PDZRN4: variants seen among roughly 807,000 people sequenced by gnomAD.
The protein encoded by PDZRN4 is PDZ domain containing ring finger 4.
In PDZRN4, 70 loss-of-function variants were observed where a neutral mutation model predicts 99.0. The ratio of observed to expected loss-of-function variants is 0.71; its 90% CI spans 0.58 to 0.86. PDZRN4 has a LOEUF of 0.86. PDZRN4 is among the 40% of genes least tolerant of loss of function. PDZRN4 has a pLI of 0.00. For synonymous variants in PDZRN4, 551 were observed against 501.6 expected (o/e 1.10, Z -1.32); for missense variants, 1,474 against 1,331.2 (o/e 1.11, Z -1.67).
At chr12:41,373,704 A>G (rs1268357938) in intron 3 of PDZRN4, among the ~76,000 whole-genome samples, 1 of 152,146 alleles carries the variant, frequency 6.6e-6, no homozygotes, top group African/African-American at 2.4e-5. Flanking sequence ...TCCTGAGGTG[A>G]CATACATCCT....
intron 3 of PDZRN4, among the ~76,000 whole-genome samples, chr12:41,261,768 C>T (rs748359880): frequency 5.3e-5 from 8 of 152,188 alleles, no homozygotes; most frequent in Non-Finnish European, 1.0e-4. Flanking sequence ...GGATTACAGG[C>T]GTGAGCCACC....
chr12:41,301,683 C>CT (rs965929419), intron 3 of PDZRN4, among the ~76,000 whole-genome samples: 15 of 151,544 alleles, frequency 9.9e-5, no homozygotes, highest in South Asian at 4.2e-4. Flanking sequence ...TTCCAAACAA[C>CT]TTTTTTTTTC....
chr12:41,311,259 T>C (rs1171447174), intron 3 of PDZRN4, among the ~76,000 whole-genome samples: 2 of 123,288 alleles, frequency 1.6e-5, no homozygotes, highest in African/African-American at 5.9e-5. Context: ...GTCTATGCTA[T>C]AAGCAATGAG....
At chr12:41,457,918 G>C (rs1416423434) in intron 3 of PDZRN4, among the ~76,000 whole-genome samples, 1 of 152,072 alleles carries the variant, frequency 6.6e-6, no homozygotes. Flanking sequence ...GACCCTGTAG[G>C]GGCTTTATGT....
At chr12:41,223,747 C>G (rs1389077186) in intron 3 of PDZRN4, among the ~76,000 whole-genome samples, 2 of 152,160 alleles carry the variant, frequency 1.3e-5, no homozygotes, top group African/African-American at 4.8e-5. Flanking sequence ...GACAGCTCCT[C>G]AGCCCCATTT....
At position 41,346,864 on chromosome 12, in the gene PDZRN4, C is replaced by T. The variant is rs540092510; in HGVS notation, c.843+152676C>T. 5.9e-5 allele frequency among the ~76,000 whole-genome samples: 9 copies of T among 152,198 alleles called. No individual in the cohort carries two copies. The East Asian group carries it at 1.4e-3, about 23-fold the overall frequency. ...TATACATTTTGTCTCTATAGATTTG[C>T]CTATTCTGGGCATTTCATATGAATA... On this transcript the variant is annotated intron_variant, in intron 3 of 9. Coordinates refer to ENST00000402685, the MANE Select transcript of PDZRN4 (RefSeq NM_001164595.2).
intron 3 of PDZRN4, among the ~76,000 whole-genome samples, chr12:41,276,128 ATAT>A (rs941388918): frequency 2.7e-4 from 41 of 152,268 alleles, no homozygotes; most frequent in African/African-American, 9.9e-4. Flanking sequence ...CAAGGGACAA[ATAT>A]TGGTCCTTGG....
At chr12:41,406,424 GTGA>G (rs1417174351) in intron 3 of PDZRN4, among the ~76,000 whole-genome samples, 120 of 152,160 alleles carry the variant, frequency 7.9e-4, no homozygotes, top group Non-Finnish European at 5.9e-5. Context: ...CCAAGCTACT[GTGA>G]TGTCCTCAAT....
intron 3 of PDZRN4, among the ~76,000 whole-genome samples, chr12:41,350,380 T>A (rs1446586483): frequency 6.6e-6 from 1 of 152,134 alleles, no homozygotes; most frequent in Non-Finnish European, 1.5e-5. Context: ...AGTTAACAAC[T>A]GTTTGTAATT....
intron 3 of PDZRN4, among the ~76,000 whole-genome samples, chr12:41,503,823 C>A (rs1404154407): frequency 6.6e-6 from 1 of 152,162 alleles, no homozygotes; most frequent in Non-Finnish European, 1.5e-5. Context: ...CTGGAAGAAA[C>A]CGTGGTCACG....
chr12:41,308,681 T>C (rs1408985997), intron 3 of PDZRN4, among the ~76,000 whole-genome samples: 2 of 152,194 alleles, frequency 1.3e-5, no homozygotes, highest in Non-Finnish European at 2.9e-5. Context: ...TATTTATATC[T>C]GATTTTAAAA....
At chr12:41,512,578 G>A (rs1938324854) in intron 5 of PDZRN4, among the ~76,000 whole-genome samples, 1 of 152,034 alleles carries the variant, frequency 6.6e-6, no homozygotes, top group South Asian at 2.1e-4. Context: ...AAAGGAGGGT[G>A]TGTTTTGTGG....
At chr12:41,546,469 C>T (rs983874546) in intron 5 of PDZRN4, among the ~76,000 whole-genome samples, 9 of 152,136 alleles carry the variant, frequency 5.9e-5, no homozygotes, top group African/African-American at 2.2e-4. Context: ...AATCATGATA[C>T]ATACTGTACG....
rs543089513 is a variant in PDZRN4, at chr12:41,236,325, G to A, written c.843+42137G>A. On this transcript the variant is annotated intron_variant, in intron 3 of 9. Coordinates refer to ENST00000402685, the MANE Select transcript of PDZRN4 (RefSeq NM_001164595.2). ...GCATTTCAGATGTGTATGACAGAGT[G>A]AGACATAGCAGAATTGGGGGCAGGG... is the stretch of plus-strand genomic sequence containing the variant. Among the ~76,000 whole-genome samples the A allele has an allele frequency of 7.2e-5, 11 of 152,220 alleles. No individual in the cohort carries two copies. In the South Asian group the frequency reaches 2.3e-3, roughly 32 times the overall value.
rs186120958 is a variant in PDZRN4 at position 41,466,157 on chromosome 12, A to G, written c.844-40299A>G. Among the ~76,000 whole-genome samples the G allele has an allele frequency of 1.3e-3, 203 of 152,272 alleles. 1 individual carries two copies. Among genetic ancestry groups the G allele is most frequent in the Admixed American group, 3.7e-3 (56 of 15,292 alleles). On this transcript the variant is annotated intron_variant, in intron 3 of 9. Coordinates refer to ENST00000402685, the MANE Select transcript of PDZRN4 (RefSeq NM_001164595.2). ...ATGAGGCTGCCTTGATTCTCTGCCT[A>G]TTGTGTAGGGAATCTCATCAGAAAA...
intron 3 of PDZRN4, chr12:41,473,360 C>T (rs1328160619): frequency 1.3e-5 from 2 of 152,110 alleles, no homozygotes; most frequent in African/African-American, 2.4e-5. Context: ...ACAAACCATA[C>T]ATACCTGTAA....
chr12:41,206,329 A>G (rs569028707), intron 3 of PDZRN4, among the ~76,000 whole-genome samples: 2 of 152,018 alleles, frequency 1.3e-5, no homozygotes, highest in South Asian at 2.1e-4. Flanking sequence ...CCATTAGTCC[A>G]CATACTTGCA....
At chr12:41,355,576 C>T (rs1037985497) in intron 3 of PDZRN4, among the ~76,000 whole-genome samples, 1 of 152,068 alleles carries the variant, frequency 6.6e-6, no homozygotes, top group Non-Finnish European at 1.5e-5. Context: ...AATAACAAAA[C>T]ATTTGCATAT....
At chr12:41,391,695 C>T (rs1952212291) in intron 3 of PDZRN4, among the ~76,000 whole-genome samples, 1 of 152,180 alleles carries the variant, frequency 6.6e-6, no homozygotes, top group Admixed American at 6.5e-5. Flanking sequence ...CTCCCCCAAT[C>T]ACTAGTTTAT....
Sources: allele counts gnomAD v4.1 joint callset (sites outside exome capture counted in the v4.1 genomes callset), GRCh38; gene constraint gnomAD v4.1.1; transcripts MANE v1.5; gene names NCBI Gene and HGNC (gene_info 2026-07-23, HGNC 2026-07-21).